ADAMTSL1: variants seen among roughly 807,000 people sequenced by gnomAD.
ADAMTSL1 encodes ADAMTS-like protein 1.
A neutral mutation model predicts 201.8 loss-of-function variants in ADAMTSL1; 126 were observed. The observed-to-expected ratio is 0.62, with a 90% CI of 0.54 to 0.72. The LOEUF (loss-of-function observed/expected upper bound fraction) is 0.72, where lower values mean the gene tolerates loss of function less well. ADAMTSL1 is among the 30% of genes least tolerant of loss of function. ADAMTSL1 has a pLI of 0.00. For synonymous variants in ADAMTSL1, 1,121 were observed against 903.4 expected (o/e 1.24, Z -4.32); for missense variants, 2,679 against 2,277.8 (o/e 1.18, Z -3.59).
chr9:18,267,934 C>G (rs1587431683), intron 2 of ADAMTSL1, among the ~76,000 whole-genome samples: 1 of 152,000 alleles, frequency 6.6e-6, no homozygotes, highest in East Asian at 1.9e-4. Flanking sequence ...TCACAATATA[C>G]AGATTTCTCA....
At chr9:18,386,878 A>G (rs1254476020) in intron 2 of ADAMTSL1, among the ~76,000 whole-genome samples, 1 of 152,134 alleles carries the variant, frequency 6.6e-6, no homozygotes, top group African/African-American at 2.4e-5. Flanking sequence ...ATATTCTTTA[A>G]TCGTCATCTT....
chr9:18,197,985 C>A (rs1451132715), intron 2 of ADAMTSL1, among the ~76,000 whole-genome samples: 1 of 152,056 alleles, frequency 6.6e-6, no homozygotes, highest in Non-Finnish European at 1.5e-5. Flanking sequence ...TTTGACAAAC[C>A]TGAGAAAAAC....
chr9:17,942,901 A>T (rs904295850), intron 1 of ADAMTSL1, among the ~76,000 whole-genome samples: 1 of 152,144 alleles, frequency 6.6e-6, no homozygotes, highest in Non-Finnish European at 1.5e-5. Flanking sequence ...CCCTGATTGC[A>T]TACTACAATG....
At chr9:17,984,758 T>C (rs1424835110) in intron 1 of ADAMTSL1, among the ~76,000 whole-genome samples, 2 of 152,140 alleles carry the variant, frequency 1.3e-5, no homozygotes, top group Non-Finnish European at 2.9e-5. Flanking sequence ...CATTTTCCGA[T>C]CATTTAGACC....
chr9:17,937,485 G>A (rs1041178707), intron 1 of ADAMTSL1, among the ~76,000 whole-genome samples: 3 of 151,894 alleles, frequency 2.0e-5, no homozygotes, highest in African/African-American at 7.3e-5. Flanking sequence ...TTGATCAGAA[G>A]CCCAGATCTA....
intron 15 of ADAMTSL1, among the ~76,000 whole-genome samples, chr9:18,745,017 A>G (rs143808945): frequency 6.6e-6 from 1 of 152,204 alleles, no homozygotes; most frequent in African/African-American, 2.4e-5. Flanking sequence ...GGTGATGTTC[A>G]CTCTTATCAC....
At chr9:18,668,260 C>T (rs145954295) in intron 9 of ADAMTSL1, among the ~76,000 whole-genome samples, 3 of 152,152 alleles carry the variant, frequency 2.0e-5, no homozygotes, top group African/African-American at 4.8e-5. Context: ...CTCATTTCCA[C>T]ATTCATGTAT....
At chr9:18,136,828 A>G (rs755679888) in intron 1 of ADAMTSL1, among the ~76,000 whole-genome samples, 38 of 152,072 alleles carry the variant, frequency 2.5e-4, no homozygotes, top group Non-Finnish European at 3.7e-4. Context: ...TGGCATATTT[A>G]AGCAAGGCAG....
intron 2 of ADAMTSL1, among the ~76,000 whole-genome samples, chr9:18,460,057 A>T (rs1024992856): frequency 5.3e-5 from 8 of 152,220 alleles, no homozygotes; most frequent in Admixed American, 5.2e-4. Context: ...CAACTTGAAT[A>T]GAGTTGACTC....
chr9:18,389,630 A>G (rs1009475150), intron 2 of ADAMTSL1, among the ~76,000 whole-genome samples: 2 of 152,220 alleles, frequency 1.3e-5, no homozygotes, highest in African/African-American at 4.8e-5. Flanking sequence ...ATGTAGAGAT[A>G]AAACTTCATG....
intron 3 of ADAMTSL1, among the ~76,000 whole-genome samples, chr9:18,537,137 T>C (rs979269518): frequency 2.6e-5 from 4 of 152,200 alleles, no homozygotes; most frequent in African/African-American, 7.2e-5. Flanking sequence ...CTGGGGTTCA[T>C]TGTTAAATAA....
At position 18,329,677 on chromosome 9, in the gene ADAMTSL1, A is replaced by C. The variant is rs557208797; in HGVS notation, c.207+165696A>C. On this transcript the variant is annotated intron_variant, in intron 2 of 29. Coordinates refer to the ADAMTSL1 transcript ENST00000680146. The stretch of plus-strand genomic sequence containing the variant: ...CCTTGTCATGTCCTGCAAGGAATCA[A>C]GCCATGTATCCCAAGTGCTGCGGCC... 1.3e-3 allele frequency among the ~76,000 whole-genome samples: 197 copies of C among 152,320 alleles called. 1 individual carries two copies. The highest frequency in any genetic ancestry group is 4.6e-3 in the African/African-American group (191 of 41,572).
chr9:18,301,610 C>T (rs1833713387), intron 2 of ADAMTSL1, among the ~76,000 whole-genome samples: 1 of 152,278 alleles, frequency 6.6e-6, no homozygotes, highest in South Asian at 2.1e-4. Context: ...TGATCTCTCT[C>T]TCAAAATCTT....
chr9:18,326,267 C>T (rs903223392), intron 2 of ADAMTSL1, among the ~76,000 whole-genome samples: 9 of 152,258 alleles, frequency 5.9e-5, no homozygotes, highest in African/African-American at 1.9e-4. Flanking sequence ...ACGGTGATTA[C>T]CTCTAAGGAG....
chr9:18,312,045 C>T (rs562953015), intron 2 of ADAMTSL1, among the ~76,000 whole-genome samples: 71 of 152,232 alleles, frequency 4.7e-4, no homozygotes, highest in African/African-American at 1.7e-3. Context: ...GAGCTTACAT[C>T]CTAGTAGAAT....
At chr9:18,624,991 A>T (rs1246967967) in intron 5 of ADAMTSL1, among the ~76,000 whole-genome samples, 2 of 152,234 alleles carry the variant, frequency 1.3e-5, no homozygotes, top group African/African-American at 4.8e-5. Flanking sequence ...TCTATAGCAG[A>T]TGCTGAACAA....
At chr9:18,804,039 A>T (rs185674379) in intron 20 of ADAMTSL1, among the ~76,000 whole-genome samples, 40 of 152,308 alleles carry the variant, frequency 2.6e-4, no homozygotes, top group Admixed American at 2.6e-3. Context: ...GCAGAATAGG[A>T]CTATGAACCT....
intron 7 of ADAMTSL1, 46 bp downstream of exon 7, chr9:18,639,457 A>T: frequency 6.3e-7 from 1 of 1,585,330 alleles, no homozygotes. Context: ...ATCCCAAATG[A>T]TGTTACTTAT....
chr9:18,289,347 A>G (rs1330049807), intron 2 of ADAMTSL1, among the ~76,000 whole-genome samples: 1 of 152,222 alleles, frequency 6.6e-6, no homozygotes, highest in African/African-American at 2.4e-5. Flanking sequence ...AAGTACCCTC[A>G]CAGATACCCA....
Sources: gnomAD v4.1 joint callset for allele counts (sites outside exome capture counted in the v4.1 genomes callset) on GRCh38, gnomAD v4.1.1 for gene constraint, MANE v1.5 for transcripts, NCBI Gene and HGNC (gene_info 2026-07-23, HGNC 2026-07-21) for gene names.